RAB11FIP5: variants seen among roughly 807,000 people sequenced by gnomAD.
RAB11FIP5 encodes RAB11 family interacting protein 5, also known as rab11 family-interacting protein 5.
A neutral mutation model predicts 85.1 loss-of-function variants in RAB11FIP5; 48 were observed. The ratio of observed to expected loss-of-function variants is 0.56; its 90% CI spans 0.45 to 0.72. The LOEUF is 0.72. Among genes scored for constraint, RAB11FIP5 ranks in the 30% least tolerant of loss-of-function variants. The pLI is 0.00. For missense variants in RAB11FIP5, 1,491 were observed against 1,687.0 expected, an observed-to-expected ratio of 0.88 and a Z score of 2.04; for synonymous variants, 729 against 727.3, an observed-to-expected ratio of 1.00 and a Z score of -0.04.
intron 1 of RAB11FIP5, among the ~76,000 whole-genome samples, chr2:73,106,773 C>T (rs898094108): frequency 1.3e-5 from 2 of 152,242 alleles, no homozygotes; most frequent in Non-Finnish European, 2.9e-5. Context: ...GTGCAGCTCT[C>T]CCTCTGCAAA....
chr2:73,098,090 G>C (rs1292064521), intron 1 of RAB11FIP5, among the ~76,000 whole-genome samples: 1 of 152,208 alleles, frequency 6.6e-6, no homozygotes, highest in African/African-American at 2.4e-5. Context: ...GGACTTCGGT[G>C]CCAGGCTGCC....
At chr2:73,095,651 G>T (rs1207782247) in intron 1 of RAB11FIP5, among the ~76,000 whole-genome samples, 2 of 152,248 alleles carry the variant, frequency 1.3e-5, no homozygotes, top group Non-Finnish European at 2.9e-5. Flanking sequence ...GAGATGGTTT[G>T]TAAGTTGCCC....
chr2:73,089,040 A>G lies in RAB11FIP5; in HGVS notation c.707T>C (p.Leu236Pro), dbSNP rs769647651. ...GKMGKAKGFFLRNKLRKSSLT... is the reference protein window; with the variant it reads ...GKMGKAKGFFPRNKLRKSSLT... Reference sequence around the variant, plus strand: ...GGACGACTTGCGCAGCTTGTTGCGGAGGAAGAAGCCTTTGGCTTTGCCCAT... The same window carrying G: ...GGACGACTTGCGCAGCTTGTTGCGGGGGAAGAAGCCTTTGGCTTTGCCCAT... The change falls in exon 2 of 6, where the codon CTC becomes CCC. Residue 236 changes from leucine to proline, a missense_variant. Physicochemically the swap from Leu to Pro is moderately conservative, Grantham distance 98 (BLOSUM62 -3). This residue lies in a region of RAB11FIP5 where 1,211 missense variants were observed against 1,338.0 expected (regional missense o/e 0.91). Coordinates refer to ENST00000486777, the MANE Select transcript of RAB11FIP5 (RefSeq NM_001371272.1). The surrounding 1 kb of genome is among the most constrained non-coding windows in gnomAD (Gnocchi z 4.6). 1.9e-6 allele frequency: 3 copies of G among 1,614,092 alleles called. No individual in the cohort carries two copies. The Admixed American group carries it at 5.0e-5, about 27-fold the overall frequency.
Position 73,112,943 on chromosome 2 carries a change from G to A in RAB11FIP5, c.-166C>T. 2.7e-6 allele frequency: 1 copy of A among 374,174 alleles called. No individual in the cohort carries two copies. The highest frequency in any genetic ancestry group is 3.9e-6 in the Non-Finnish European group (1 of 259,434). The allele number at this position is 374,174 out of a possible 1,614,324, so 23.2% of individuals were successfully genotyped here. On this transcript the variant is annotated 5_prime_UTR_variant, in exon 1 of 6. Coordinates refer to ENST00000486777, the MANE Select transcript of RAB11FIP5 (RefSeq NM_001371272.1). ...GGCCGCCGCCTCCCCGCCTCACCGG[G>A]CCGCTGGCCGCGGGCCGCGCCGCGA...
rs936058535 is a variant in RAB11FIP5 at position 73,106,923 on chromosome 2, G to A, written c.431+5424C>T. Among the ~76,000 whole-genome samples, 8 of 152,120 alleles carry A rather than the reference G, an allele frequency of 5.3e-5. No individual in the cohort carries two copies. In the East Asian group the frequency reaches 5.8e-4, roughly 11 times the overall value. The stretch of plus-strand genomic sequence containing the variant: ...CCCCCTCCCCACCCTGCAGCTTCTC[G>A]GAGGTGCTGGCTGCCCCTGGGAGCC... On this transcript the variant is annotated intron_variant, in intron 1 of 5. Transcript: ENST00000486777.
At chr2:73,097,933 A>G (rs1344199580) in intron 1 of RAB11FIP5, among the ~76,000 whole-genome samples, 2 of 149,722 alleles carry the variant, frequency 1.3e-5, no homozygotes, top group Non-Finnish European at 2.9e-5. Context: ...TCTTATCCCC[A>G]TTACCAACTA....
chr2:73,075,198 C>T lies in RAB11FIP5; in HGVS notation c.*323G>A, dbSNP rs776778776. The T allele has an allele frequency of 1.3e-5, 8 of 634,056 alleles. No individual in the cohort carries two copies. The highest frequency in any genetic ancestry group is 2.5e-4 in the Middle Eastern group (1 of 4,070). 39.3% of individuals were successfully genotyped at this position (634,056 alleles called of 1,614,324 possible). A position where few individuals can be genotyped will look rare whatever the true frequency, so the allele number is the denominator to read the frequency against. ...CAACCAGTCTTGTCCCAGATTACTG[C>T]ATCAAGCTACAGTTCACCCCTGCTC... On this transcript the variant is annotated 3_prime_UTR_variant, in exon 6 of 6. Transcript: ENST00000486777. This position sits in a 1 kb window ranked among gnomAD's most constrained non-coding sequence, Gnocchi z 4.6.
rs112925711 is a variant in RAB11FIP5, at chr2:73,092,088, G to A, written c.432-2773C>T. On this transcript the variant is annotated intron_variant, in intron 1 of 5. Coordinates refer to ENST00000486777, the MANE Select transcript of RAB11FIP5 (RefSeq NM_001371272.1). ...AGCATCAACAGCCTCACACCTCTACGTTCTCAGCCCAGTGACCACCGTGGG... is the reference window on the plus strand; with the variant it reads ...AGCATCAACAGCCTCACACCTCTACATTCTCAGCCCAGTGACCACCGTGGG... 1.3e-3 allele frequency among the ~76,000 whole-genome samples: 197 copies of A among 152,314 alleles called. 2 individuals carry two copies. Among genetic ancestry groups the A allele is most frequent in the Middle Eastern group, 6.8e-3 (2 of 294 alleles).
intron 1 of RAB11FIP5, among the ~76,000 whole-genome samples, chr2:73,102,257 G>A (rs1387800278): frequency 6.6e-6 from 1 of 152,102 alleles, no homozygotes; most frequent in Non-Finnish European, 1.5e-5. Flanking sequence ...GCACGACAGG[G>A]TACAACACAA....
chr2:73,088,868 T>G lies in RAB11FIP5; in HGVS notation c.868+11A>C, dbSNP rs1574297665. The G allele has an allele frequency of 6.4e-7, 1 of 1,558,236 alleles. No homozygotes were observed. The highest frequency in any genetic ancestry group is 2.3e-5 in the East Asian group (1 of 44,410). Reference sequence around the variant, plus strand: ...CCCCCTCCCCAGGGCGGCGGCCCTGTGCTTGCTCACCCCCTTCAGTGGACA... The same window carrying G: ...CCCCCTCCCCAGGGCGGCGGCCCTGGGCTTGCTCACCCCCTTCAGTGGACA... On this transcript the variant is annotated intron_variant, in intron 2 of 5. Transcript: ENST00000486777.
chr2:73,076,425 G>A (rs994513108), intron 4 of RAB11FIP5, among the ~76,000 whole-genome samples: 7 of 151,992 alleles, frequency 4.6e-5, no homozygotes, highest in South Asian at 2.1e-4. Flanking sequence ...CTCATTCACC[G>A]GGTGAACTGA....
chr2:73,080,316 C>G lies in RAB11FIP5; in HGVS notation c.2916G>C (p.Gln972His). The change falls in exon 4 of 6, where the codon CAG (glutamine) becomes CAC (histidine). Residue 972 changes from glutamine to histidine, a missense_variant. By Grantham distance (24) the Gln-to-His change is conservative (BLOSUM62 0). Transcript: ENST00000486777. Reference protein sequence around the residue: ...DSCSSATLLGQPGLEELVEDA... With the variant: ...DSCSSATLLGHPGLEELVEDA... ...CCTCCACTAGCTCTTCCAGGCCAGG[C>G]TGGCCCAGCAGGGTTGCAGAGGAGC... The G allele has an allele frequency of 8.1e-7, 1 of 1,232,922 alleles. No homozygotes were observed. The highest frequency in any genetic ancestry group is 1.0e-6 in the Non-Finnish European group (1 of 988,546). 76.4% of individuals were successfully genotyped at this position (1,232,922 alleles called of 1,614,324 possible).
intron 4 of RAB11FIP5, among the ~76,000 whole-genome samples, chr2:73,079,102 G>A (rs1197029845): frequency 6.6e-6 from 1 of 152,144 alleles, no homozygotes; most frequent in Non-Finnish European, 1.5e-5. Flanking sequence ...TCTTCTGAAG[G>A]TGTCTGCAGC....
Position 73,081,663 on chromosome 2 carries a change from G to C in RAB11FIP5, c.1569C>G (p.Ser523Arg). 3.2e-6 allele frequency: 4 copies of C among 1,232,034 alleles called. No homozygotes were observed. The highest frequency in any genetic ancestry group is 4.0e-6 in the Non-Finnish European group (4 of 987,832). The allele number at this position is 1,232,034 out of a possible 1,614,324, so 76.3% of individuals were successfully genotyped here. Reference protein sequence around the residue: ...REAKDPTQKPSLDVSPQVESD... With the variant: ...REAKDPTQKPRLDVSPQVESD... ...ATTCTACCTGAGGAGACACGTCCAG[G>C]CTGTGGAGGGAGACAAAACCGTGAG... Residue 523 changes from serine (S) to arginine (R), a missense_variant and splice_region_variant, in exon 4 of 6, where the codon AGC becomes AGG. By Grantham distance (110) the Ser-to-Arg change is moderately radical. Coordinates refer to ENST00000486777, the MANE Select transcript of RAB11FIP5 (RefSeq NM_001371272.1). The surrounding 1 kb of genome is among the most constrained non-coding windows in gnomAD (Gnocchi z 4.2).
rs1684689088 is a variant in RAB11FIP5, at chr2:73,112,541, C to G, written c.237G>C (p.Pro79=). ...CCCGCAGCAGGCCATCCAGGGCCCC[C>G]GGCGGCAGCTCGAAGGAGCACTCCT... ...WREECSFELP[P]GALDGLLRAQ... Residue 79 remains proline (P), a synonymous_variant, in exon 1 of 6, where the codon CCG becomes CCC. Transcript: ENST00000486777. The G allele has an allele frequency of 1.3e-6, 2 of 1,538,546 alleles. No individual in the cohort carries two copies. The highest frequency in any genetic ancestry group is 2.0e-5 in the Admixed American group (1 of 50,394).
chr2:73,084,915 C>T (rs2106107158), intron 3 of RAB11FIP5, among the ~76,000 whole-genome samples: 1 of 152,314 alleles, frequency 6.6e-6, no homozygotes, highest in Non-Finnish European at 1.5e-5. Context: ...TGAGATGGGC[C>T]CAACGTGCAG....
At position 73,073,982 on chromosome 2, in the gene RAB11FIP5, AT is replaced by A. The variant is rs2106097582; in HGVS notation, c.*1538del. ...TTGCCTCCTCACTAAGCTGTTAAGT[AT>A]CCTTCTTCAGCACCTCATCACCCCC... On this transcript the variant is annotated 3_prime_UTR_variant, in exon 6 of 6. Transcript: ENST00000486777. 6.6e-6 allele frequency: 1 copy of A among 152,276 alleles called. No homozygotes were observed. Among genetic ancestry groups the A allele is most frequent in the South Asian group, 2.1e-4 (1 of 4,822 alleles). The allele number at this position is 152,276 out of a possible 1,614,324, so 9.4% of individuals were successfully genotyped here.
At chr2:73,106,763 G>A (rs951909241) in intron 1 of RAB11FIP5, among the ~76,000 whole-genome samples, 11 of 152,236 alleles carry the variant, frequency 7.2e-5, no homozygotes, top group Admixed American at 2.0e-4. Context: ...TAGTGAGAGT[G>A]TGCAGCTCTC....
chr2:73,075,363 G>T lies in RAB11FIP5; in HGVS notation c.*158C>A. 1 of 784,746 alleles carries T rather than the reference G, an allele frequency of 1.3e-6. No homozygotes were observed. The allele number at this position is 784,746 out of a possible 1,614,324, so 48.6% of individuals were successfully genotyped here. On this transcript the variant is annotated 3_prime_UTR_variant, in exon 6 of 6. Transcript: ENST00000486777. The surrounding 1 kb of genome is among the most constrained non-coding windows in gnomAD (Gnocchi z 4.6). ...GATGCCTCCAAAGGGAATCCAGAGG[G>T]CCCCCTTCCAGCAGCCCCAGTTGAG... is the stretch of plus-strand genomic sequence containing the variant.
Sources: allele counts gnomAD v4.1 joint callset (sites outside exome capture counted in the v4.1 genomes callset), GRCh38; gene constraint gnomAD v4.1.1; regional missense constraint gnomAD v4.1.1; non-coding constraint Gnocchi (gnomAD v3.1); transcripts MANE v1.5; gene names NCBI Gene and HGNC (gene_info 2026-07-23, HGNC 2026-07-21).